HAT1: variants seen among roughly 807,000 people sequenced by gnomAD.
HAT1 encodes histone acetyltransferase type B catalytic subunit.
In HAT1, 20 loss-of-function variants were observed where a neutral mutation model predicts 56.6. That is an observed-to-expected ratio of 0.35 (90% CI 0.25 to 0.51). HAT1 has a LOEUF of 0.51. Among genes scored for constraint, HAT1 ranks in the 20% least tolerant of loss-of-function variants. HAT1 has a pLI of 0.95. For synonymous variants in HAT1, 146 were observed against 165.5 expected, an observed-to-expected ratio of 0.88 and a Z score of 0.91; for missense variants, 408 against 504.3, an observed-to-expected ratio of 0.81 and a Z score of 1.83.
intron 8 of HAT1, among the ~76,000 whole-genome samples, chr2:171,969,426 A>G (rs1687761578): frequency 6.6e-6 from 1 of 152,206 alleles, no homozygotes; most frequent in African/African-American, 2.4e-5. Flanking sequence ...ATGTATGTTA[A>G]TATGAGAAGC....
chr2:171,979,071 T>C (rs753070550), intron 9 of HAT1, among the ~76,000 whole-genome samples, 176 bp from the exon 10 acceptor site: 1 of 152,156 alleles, frequency 6.6e-6, no homozygotes, highest in Non-Finnish European at 1.5e-5. Flanking sequence ...ATCCATACCA[T>C]AATCATTTGT....
rs1174016253 is a variant in HAT1 at position 171,977,524 on chromosome 2, AATATAT to A, written c.975+1245_975+1250del. 1.3e-3 allele frequency among the ~76,000 whole-genome samples: 46 copies of A among 36,342 alleles called. 1 individual carries two copies. The highest frequency in any genetic ancestry group is 2.8e-3 in the African/African-American group (37 of 13,250). The allele number at this position is 36,342 out of a possible 152,430, so 23.8% of individuals were successfully genotyped here. On this transcript the variant is annotated intron_variant, in intron 9 of 10. Transcript: ENST00000264108. ...CAGCTTTTAAAAGAACAGGCATATG[AATATAT>A]ATATATATATATATATATATATATA...
At chr2:171,927,424 G>A (rs4072279) in intron 2 of HAT1, among the ~76,000 whole-genome samples, 30,838 of 151,904 alleles carry the variant, frequency 0.2, 4,331 homozygotes, top group African/African-American at 0.37. Flanking sequence ...GACTGGATGT[G>A]GTTGCTGAGA....
chr2:171,975,032 T>C (rs770172963), intron 8 of HAT1, among the ~76,000 whole-genome samples: 1 of 152,098 alleles, frequency 6.6e-6, no homozygotes, highest in Non-Finnish European at 1.5e-5. Flanking sequence ...AGTTTTTGTC[T>C]TAGATCCTTA....
chr2:171,973,112 A>G (rs1687860563), intron 8 of HAT1, among the ~76,000 whole-genome samples: 1 of 152,090 alleles, frequency 6.6e-6, no homozygotes, highest in African/African-American at 2.4e-5. Context: ...GGTCACTTGC[A>G]GCCTCCATTC....
At position 171,983,199 on chromosome 2, in the gene HAT1, T is replaced by A. The variant is rs760268406; in HGVS notation, c.1107T>A (p.Asp369Glu). 6 of 1,567,436 alleles carry A rather than the reference T, an allele frequency of 3.8e-6. No homozygotes were observed. The highest frequency in any genetic ancestry group is 2.7e-5 in the African/African-American group (2 of 73,288). The change falls in exon 11 of 11, where the codon GAT becomes GAA. Residue 369 changes from aspartate (D) to glutamate (E), a missense_variant. Physicochemically the swap from Asp to Glu is conservative, Grantham distance 45. Coordinates refer to ENST00000264108, the MANE Select transcript of HAT1 (RefSeq NM_003642.4). Reference protein sequence around the residue: ...LISPYKKKQRDLAKMRKCLRP... With the variant: ...LISPYKKKQRELAKMRKCLRP... Reference sequence around the variant, plus strand: ...TTGTCACTTAGAAAAAGCAGAGAGATCTTGCTAAGATGAGAAAATGTCTCA... The same window carrying A: ...TTGTCACTTAGAAAAAGCAGAGAGAACTTGCTAAGATGAGAAAATGTCTCA...
At chr2:171,933,864 A>G (rs1686802516) in intron 2 of HAT1, among the ~76,000 whole-genome samples, 1 of 152,194 alleles carries the variant, frequency 6.6e-6, no homozygotes, top group South Asian at 2.1e-4. Context: ...AAAATAATTT[A>G]TAGTCTGCAG....
intron 3 of HAT1, 133 bp from the exon 4 acceptor site, chr2:171,952,748 T>C (rs1424129749): frequency 5.8e-6 from 3 of 519,184 alleles, no homozygotes; most frequent in African/African-American, 2.0e-5. Context: ...GCACATTTTA[T>C]TGTAGATTTT....
intron 2 of HAT1, among the ~76,000 whole-genome samples, chr2:171,941,893 T>TG (rs1687027922): frequency 6.6e-6 from 1 of 151,972 alleles, no homozygotes; most frequent in Non-Finnish European, 1.5e-5. Flanking sequence ...AAAGTGTGAG[T>TG]GACATAGATT....
intron 8 of HAT1, 101 bp downstream of exon 8, chr2:171,967,050 T>C: frequency 1.6e-6 from 1 of 628,054 alleles, no homozygotes; most frequent in Non-Finnish European, 2.9e-6. Context: ...AACAGCAACA[T>C]TTTCCTAGGG....
At chr2:171,961,761 C>T (rs1158437208) in intron 4 of HAT1, among the ~76,000 whole-genome samples, 1 of 152,076 alleles carries the variant, frequency 6.6e-6, no homozygotes, top group African/African-American at 2.4e-5. Flanking sequence ...ATAATATGAC[C>T]TTTGTTTTTC....
At chr2:171,969,551 A>G (rs1043715944) in intron 8 of HAT1, among the ~76,000 whole-genome samples, 1 of 152,198 alleles carries the variant, frequency 6.6e-6, no homozygotes, top group Non-Finnish European at 1.5e-5. Flanking sequence ...TATGTTGCTT[A>G]TCTTTGTAGC....
rs543865950 is a variant in HAT1 at position 171,970,800 on chromosome 2, G to A, written c.823+3851G>A. Among the ~76,000 whole-genome samples, 475 of 151,326 alleles carry A rather than the reference G, an allele frequency of 3.1e-3. 2 individuals carry two copies. Among genetic ancestry groups the A allele is most frequent in the African/African-American group, 0.011 (435 of 41,336 alleles). On this transcript the variant is annotated intron_variant, in intron 8 of 10. Transcript: ENST00000264108. Reference sequence around the variant, plus strand: ...CCCCAAGTGCTGGGATTACAGGCGTGAGCCACCACCCCTGGCTGCAATGCA... The same window carrying A: ...CCCCAAGTGCTGGGATTACAGGCGTAAGCCACCACCCCTGGCTGCAATGCA...
At chr2:171,972,728 A>G (rs1195102995) in intron 8 of HAT1, among the ~76,000 whole-genome samples, 1 of 152,232 alleles carries the variant, frequency 6.6e-6, no homozygotes, top group Admixed American at 6.5e-5. Context: ...CTGCTCCTAT[A>G]TAGTCCATGC....
intron 3 of HAT1, among the ~76,000 whole-genome samples, chr2:171,950,678 A>AT (rs1687286086): frequency 1.3e-5 from 2 of 150,760 alleles, no homozygotes; most frequent in Admixed American, 1.3e-4. Context: ...TAATTTTTGT[A>AT]TTTTTAGTAG....
chr2:171,951,957 G>A (rs367751312), intron 3 of HAT1, among the ~76,000 whole-genome samples: 2 of 152,082 alleles, frequency 1.3e-5, no homozygotes, highest in African/African-American at 2.4e-5. Context: ...ACAGTGCTCC[G>A]TATTTTCGTA....
chr2:171,936,095 G>A (rs1458574439), intron 2 of HAT1, among the ~76,000 whole-genome samples: 2 of 152,116 alleles, frequency 1.3e-5, no homozygotes, highest in African/African-American at 2.4e-5. Flanking sequence ...CTGCAAGGCT[G>A]GATTGGAAGA....
In HAT1 at chr2:171,952,878, C is replaced by A; in HGVS notation, c.189-3C>A. On this transcript the variant is annotated splice_polypyrimidine_tract_variant and splice_region_variant and intron_variant, in intron 3 of 10. Transcript: ENST00000264108. ...TCCATTATTGCTATTTTTTCCATTT[C>A]AGTGAAACTGCTTTTGGTTACAAGG... The A allele has an allele frequency of 6.3e-7, 1 of 1,576,144 alleles. No individual in the cohort carries two copies. Among genetic ancestry groups the A allele is most frequent in the South Asian group, 1.2e-5 (1 of 84,818 alleles).
At chr2:171,961,182 G>A (rs377566346) in intron 4 of HAT1, among the ~76,000 whole-genome samples, 31 of 152,046 alleles carry the variant, frequency 2.0e-4, no homozygotes, top group East Asian at 7.7e-4. Context: ...GCATGCTCCT[G>A]TAGTCCCAGC....
Sources: allele counts gnomAD v4.1 joint callset (sites outside exome capture counted in the v4.1 genomes callset), GRCh38; gene constraint gnomAD v4.1.1; transcripts MANE v1.5; gene names NCBI Gene and HGNC (gene_info 2026-07-23, HGNC 2026-07-21).